The following DENND1B variants were observed in gnomAD, a reference collection of about 807,000 sequenced individuals.
DENND1B encodes DENN domain containing 1B.
In DENND1B, 59 loss-of-function variants were observed where a neutral mutation model predicts 90.1. The observed-to-expected ratio is 0.65, with a 90% CI of 0.53 to 0.81. The LOEUF (loss-of-function observed/expected upper bound fraction) is 0.81, where lower values mean the gene tolerates loss of function less well. Ranked by LOEUF, DENND1B falls within the 40% of genes least tolerant of loss-of-function variation. DENND1B has a pLI of 0.00. For missense variants in DENND1B, 862 were observed against 912.6 expected (o/e 0.94, Z 0.71); for synonymous variants, 337 against 324.6 (o/e 1.04, Z -0.41).
intron 3 of DENND1B, among the ~76,000 whole-genome samples, chr1:197,686,721 C>CTTT (rs767332497): frequency 6.9e-6 from 1 of 145,390 alleles, no homozygotes; most frequent in Non-Finnish European, 1.5e-5. Flanking sequence ...ATATCTGTCT[C>CTTT]TTTTTTTTTT....
chr1:197,767,230 T>A (rs1300866698), intron 2 of DENND1B, among the ~76,000 whole-genome samples: 4 of 152,036 alleles, frequency 2.6e-5, no homozygotes, highest in Non-Finnish European at 4.4e-5. Flanking sequence ...TTTAGACACA[T>A]CAGTATTTCT....
intron 3 of DENND1B, among the ~76,000 whole-genome samples, chr1:197,698,056 G>A (rs1007152087): frequency 3.3e-5 from 5 of 152,010 alleles, no homozygotes; most frequent in Admixed American, 3.3e-4. Context: ...ACTCAGCTCT[G>A]GATCAAGTGG....
chr1:197,690,623 G>T, intron 3 of DENND1B: 1 of 240,166 alleles, frequency 4.2e-6, no homozygotes, highest in South Asian at 7.0e-5. Flanking sequence ...GGAAAGTTCA[G>T]GAGGCTAAAT....
At chr1:197,555,603 A>C (rs116475649) in intron 15 of DENND1B, among the ~76,000 whole-genome samples, 2,872 of 152,244 alleles carry the variant, frequency 0.019, 88 homozygotes, top group African/African-American at 0.064. Flanking sequence ...CATATGAAAG[A>C]ATGCTCAACA....
At chr1:197,745,922 T>A (rs1192207103) in intron 2 of DENND1B, among the ~76,000 whole-genome samples, 2 of 152,134 alleles carry the variant, frequency 1.3e-5, no homozygotes, top group Non-Finnish European at 2.9e-5. Context: ...TTCTGAAATA[T>A]CAAGTCTACT....
intron 16 of DENND1B, chr1:197,552,203 G>A: frequency 1.0e-6 from 1 of 978,954 alleles, no homozygotes; most frequent in Non-Finnish European, 1.2e-6. Context: ...AACATACAAA[G>A]AAGTTTAAAA....
rs1229870586 is a variant in DENND1B, at chr1:197,509,837, TG to T, written c.*622del. 3 of 152,174 alleles carry T rather than the reference TG, an allele frequency of 2.0e-5. No homozygotes were observed. The highest frequency in any genetic ancestry group is 7.2e-5 in the African/African-American group (3 of 41,386). The allele number at this position is 152,174 out of a possible 1,614,324, so 9.4% of individuals were successfully genotyped here. A position where few individuals can be genotyped will look rare whatever the true frequency, so the allele number is the denominator to read the frequency against. On this transcript the variant is annotated 3_prime_UTR_variant, in exon 23 of 23. Transcript: ENST00000620048. ...ATATTTTTATACTTTTTGGAAAACA[TG>T]GCTATAGTGCTTTATATAAGCAAAT...
At chr1:197,749,438 A>T (rs1653156179) in intron 2 of DENND1B, among the ~76,000 whole-genome samples, 1 of 152,128 alleles carries the variant, frequency 6.6e-6, no homozygotes, top group African/African-American at 2.4e-5. Context: ...GATAATGATT[A>T]AAAACTTCTG....
intron 5 of DENND1B, among the ~76,000 whole-genome samples, chr1:197,660,249 T>C (rs1654272736): frequency 6.6e-6 from 1 of 151,990 alleles, no homozygotes; most frequent in Non-Finnish European, 1.5e-5. Flanking sequence ...TTATTATCTT[T>C]GTAGCAGCAA....
intron 20 of DENND1B, among the ~76,000 whole-genome samples, chr1:197,528,028 T>A (rs926896884): frequency 6.6e-6 from 1 of 152,156 alleles, no homozygotes; most frequent in African/African-American, 2.4e-5. Flanking sequence ...CAGAGTCCAA[T>A]GAATTCCTAT....
Position 197,649,243 on chromosome 1 carries a change from G to T in DENND1B, c.448-2129C>A, listed in dbSNP as rs1279000301. On this transcript the variant is annotated intron_variant, in intron 7 of 22. Transcript: ENST00000620048. ...ATCTAAGAAATGGATGGTCCTGAAA[G>T]CCTGGCCAACGTTTTAACAAATTCT... Among the ~76,000 whole-genome samples the T allele has an allele frequency of 2.6e-5, 4 of 152,160 alleles. 1 individual carries two copies. The highest frequency in any genetic ancestry group is 2.6e-4 in the Admixed American group (4 of 15,270).
upstream of DENND1B, among the ~76,000 whole-genome samples, chr1:197,775,989 G>C (rs112079529): frequency 5.3e-5 from 8 of 152,300 alleles, no homozygotes; most frequent in East Asian, 1.5e-3. Flanking sequence ...CTGCTAAATA[G>C]CCCTGTCAAG....
intron 3 of DENND1B, among the ~76,000 whole-genome samples, chr1:197,691,076 G>A (rs1158938147): frequency 1.3e-5 from 2 of 151,946 alleles, no homozygotes; most frequent in Non-Finnish European, 2.9e-5. Context: ...ATAAACATAT[G>A]CACAGGCAAC....
chr1:197,542,061 C>T (rs975795321), intron 18 of DENND1B, among the ~76,000 whole-genome samples: 19 of 152,170 alleles, frequency 1.2e-4, no homozygotes, highest in Admixed American at 4.6e-4. Context: ...TATAGGTTCT[C>T]TCTATCCTTT....
intron 2 of DENND1B, among the ~76,000 whole-genome samples, chr1:197,770,590 T>TTC (rs139465661): frequency 6.9e-6 from 1 of 145,404 alleles, no homozygotes; most frequent in Non-Finnish European, 1.5e-5. Flanking sequence ...AATTAGCCTG[T>TTC]TGTGTGTGTG....
intron 13 of DENND1B, among the ~76,000 whole-genome samples, chr1:197,604,643 C>T (rs1676513183): frequency 6.6e-6 from 1 of 150,964 alleles, no homozygotes; most frequent in South Asian, 2.1e-4. Flanking sequence ...AAAAGGACCC[C>T]CCCCAATTAA....
At chr1:197,529,240 ATATGTG>A (rs1434553529) in intron 20 of DENND1B, among the ~76,000 whole-genome samples, 3 of 9,412 alleles carry the variant, frequency 3.2e-4, no homozygotes, top group African/African-American at 6.5e-4. Context: ...ATATATATAT[ATATGTG>A]TGTGTGTGTG....
chr1:197,685,851 C>G (rs1288004029), intron 3 of DENND1B: 3 of 152,098 alleles, frequency 2.0e-5, no homozygotes, highest in Middle Eastern at 6.8e-3. Context: ...ACTACCTTAT[C>G]CATTATAGAA....
At chr1:197,515,345 G>T (rs143587832) in intron 20 of DENND1B, among the ~76,000 whole-genome samples, 1 of 151,812 alleles carries the variant, frequency 6.6e-6, no homozygotes, top group Non-Finnish European at 1.5e-5. Context: ...GAGTTAAACA[G>T]AAATCTGCAG....
Sources: allele counts gnomAD v4.1 joint callset (sites outside exome capture counted in the v4.1 genomes callset), GRCh38; gene constraint gnomAD v4.1.1; transcripts MANE v1.5; gene names NCBI Gene and HGNC (gene_info 2026-07-23, HGNC 2026-07-21).